DCDC1: variants seen among roughly 807,000 people sequenced by gnomAD.
The protein encoded by DCDC1 is doublecortin domain-containing protein 1.
DCDC1 carries 200 observed loss-of-function variants against 178.3 expected under a neutral mutation model. That is an observed-to-expected ratio of 1.12 (90% CI 1.00 to 1.26). The LOEUF is 1.26. Ranked by LOEUF, DCDC1 falls within the 50% of genes most tolerant of loss-of-function variation. The pLI is 0.00. For missense variants in DCDC1, 1,983 were observed against 1,749.2 expected (o/e 1.13, Z -2.38); for synonymous variants, 690 against 604.8 (o/e 1.14, Z -2.07).
intron 20 of DCDC1, among the ~76,000 whole-genome samples, chr11:31,026,924 C>T (rs1953283276): frequency 6.6e-6 from 1 of 151,742 alleles, no homozygotes; most frequent in Admixed American, 6.6e-5. Flanking sequence ...CTCTATGAAG[C>T]TGCCCTTGAA....
intron 9 of DCDC1, among the ~76,000 whole-genome samples, chr11:31,165,511 A>G (rs1966697811): frequency 6.6e-6 from 1 of 152,088 alleles, no homozygotes; most frequent in African/African-American, 2.4e-5. Context: ...GGGTCTCACT[A>G]TGTTACTCAG....
intron 9 of DCDC1, among the ~76,000 whole-genome samples, chr11:31,173,397 T>C (rs1437746392): frequency 1.3e-5 from 2 of 152,010 alleles, no homozygotes. Flanking sequence ...TGAAAGCAGA[T>C]TTTTTTTCTT....
At chr11:31,263,122 A>G (rs1944905346) in intron 8 of DCDC1, 1 of 1,584,076 alleles carries the variant, frequency 6.3e-7, no homozygotes, top group East Asian at 2.2e-5. Flanking sequence ...GGAGAAAAAT[A>G]AACTTTCTAA....
chr11:31,219,853 T>A (rs1364555541), intron 9 of DCDC1, among the ~76,000 whole-genome samples: 1 of 152,046 alleles, frequency 6.6e-6, no homozygotes, highest in African/African-American at 2.4e-5. Context: ...CTCACAACAA[T>A]CCTATTATTA....
At chr11:31,354,994 C>CA (rs1951262408) in intron 1 of DCDC1, among the ~76,000 whole-genome samples, 1 of 151,050 alleles carries the variant, frequency 6.6e-6, no homozygotes, top group Non-Finnish European at 1.5e-5. Context: ...AGTGGTGTTG[C>CA]ACTGGGACAA....
chr11:31,357,689 C>A (rs1951459339), intron 1 of DCDC1, among the ~76,000 whole-genome samples: 1 of 152,016 alleles, frequency 6.6e-6, no homozygotes, highest in Non-Finnish European at 1.5e-5. Context: ...CTAGAAAACC[C>A]CATTGTCTCA....
chr11:30,884,024 T>C (rs1467562923), intron 36 of DCDC1, among the ~76,000 whole-genome samples: 1 of 123,186 alleles, frequency 8.1e-6, no homozygotes, highest in Non-Finnish European at 1.6e-5. Context: ...AACCAAAGCA[T>C]TCTTTCTCAT....
chr11:31,031,783 C>T (rs1337837912), intron 20 of DCDC1, among the ~76,000 whole-genome samples: 1 of 152,014 alleles, frequency 6.6e-6, no homozygotes, highest in Non-Finnish European at 1.5e-5. Flanking sequence ...GAACCTCAAT[C>T]TATGCTGGAA....
intron 13 of DCDC1, among the ~76,000 whole-genome samples, chr11:31,104,059 T>G (rs1317306415): frequency 6.6e-6 from 1 of 152,188 alleles, no homozygotes; most frequent in African/African-American, 2.4e-5. Context: ...ACAATCGTCA[T>G]TCACATAATG....
chr11:31,345,464 C>T lies in DCDC1; in HGVS notation c.-124-9900G>A, dbSNP rs1040159567. Among the ~76,000 whole-genome samples the T allele has an allele frequency of 2.6e-5, 4 of 152,046 alleles. No individual in the cohort carries two copies. The South Asian group carries it at 8.3e-4, about 32-fold the overall frequency. ...CTCCATCACCTATATTCACATGCAT[C>T]CTGTTGTTTCTCTGTTTCTCTAGAG... On this transcript the variant is annotated intron_variant, in intron 1 of 38. Transcript: ENST00000684477.
intron 5 of DCDC1, 135 bp from the exon 6 acceptor site, chr11:31,305,912 T>C: frequency 6.6e-6 from 7 of 1,058,020 alleles, no homozygotes; most frequent in Non-Finnish European, 9.2e-6. Flanking sequence ...TTTCTAGCAG[T>C]TGAAAATATA....
chr11:31,294,290 G>A (rs529691790), intron 6 of DCDC1, among the ~76,000 whole-genome samples: 1 of 151,966 alleles, frequency 6.6e-6, no homozygotes, highest in Admixed American at 6.5e-5. Flanking sequence ...GTTCAAGAAA[G>A]AAAAACAGAA....
chr11:31,157,376 T>A (rs1358157731), intron 9 of DCDC1, among the ~76,000 whole-genome samples: 4 of 131,718 alleles, frequency 3.0e-5, no homozygotes, highest in African/African-American at 1.1e-4. Flanking sequence ...AAAAAAAATA[T>A]ATATATATAT....
chr11:31,215,858 C>A (rs562407402), intron 9 of DCDC1, among the ~76,000 whole-genome samples: 2 of 151,404 alleles, frequency 1.3e-5, no homozygotes, highest in East Asian at 3.9e-4. Context: ...TAAAAAGAAG[C>A]TCTTGAGTGG....
intron 8 of DCDC1, among the ~76,000 whole-genome samples, chr11:31,264,291 G>T (rs1040659096): frequency 2.6e-5 from 4 of 152,166 alleles, no homozygotes; most frequent in African/African-American, 7.2e-5. Context: ...TTTATTGAGT[G>T]CCTGTTCCCA....
At chr11:30,944,404 A>G (rs1947863772) in intron 21 of DCDC1, 1 of 452,858 alleles carries the variant, frequency 2.2e-6, no homozygotes, top group African/African-American at 2.0e-5. Context: ...CCGGTATAAA[A>G]TTATTATTTA....
At chr11:31,343,104 A>G (rs1565637277) in intron 1 of DCDC1, among the ~76,000 whole-genome samples, 1 of 152,130 alleles carries the variant, frequency 6.6e-6, no homozygotes, top group Non-Finnish European at 1.5e-5. Context: ...CATCTCTACA[A>G]ATAAAAAATT....
At position 30,978,334 on chromosome 11, in the gene DCDC1, A is replaced by G. The variant is rs80264355; in HGVS notation, c.2592-25766T>C. Reference sequence around the variant, plus strand: ...ATTTCTGTTCCCCTTACTACACTACAAGTTCTGCAAGGACAGAGATCCTGA... The same window carrying G: ...ATTTCTGTTCCCCTTACTACACTACGAGTTCTGCAAGGACAGAGATCCTGA... On this transcript the variant is annotated intron_variant, in intron 20 of 38. Coordinates refer to ENST00000684477, the MANE Select transcript of DCDC1 (RefSeq NM_001387274.1). 8.6e-3 allele frequency among the ~76,000 whole-genome samples: 1,309 copies of G among 152,320 alleles called. 5 individuals carry two copies. Among genetic ancestry groups the G allele is most frequent in the Middle Eastern group, 0.014 (4 of 294 alleles).
chr11:31,245,181 C>T (rs1417293366), intron 8 of DCDC1, among the ~76,000 whole-genome samples: 2 of 151,482 alleles, frequency 1.3e-5, no homozygotes, highest in Non-Finnish European at 3.0e-5. Flanking sequence ...TCTATGCCTC[C>T]CATAGCATTC....
Sources: allele counts gnomAD v4.1 joint callset (sites outside exome capture counted in the v4.1 genomes callset), GRCh38; gene constraint gnomAD v4.1.1; transcripts MANE v1.5; gene names NCBI Gene and HGNC (gene_info 2026-07-23, HGNC 2026-07-21).